Variants in JARID2 observed in about 807,000 individuals in gnomAD.
JARID2 encodes the protein protein Jumonji.
JARID2 carries 21 observed loss-of-function variants against 125.6 expected under a neutral mutation model. The ratio of observed to expected loss-of-function variants is 0.17; its 90% CI spans 0.12 to 0.24. The LOEUF (loss-of-function observed/expected upper bound fraction) is 0.24. JARID2 is among the 10% of genes least tolerant of loss of function. JARID2 has a pLI of 1.00. For missense variants in JARID2, 1,303 were observed against 1,639.6 expected, an observed-to-expected ratio of 0.79 and a Z score of 3.55; for synonymous variants, 736 against 661.6, an observed-to-expected ratio of 1.11 and a Z score of -1.73.
intron 1 of JARID2, among the ~76,000 whole-genome samples, chr6:15,301,480 C>T (rs895016625): frequency 3.3e-5 from 5 of 151,940 alleles, no homozygotes; most frequent in African/African-American, 4.8e-5. Flanking sequence ...CTAGAAGTGG[C>T]GTTTATTTAT....
chr6:15,301,399 A>C (rs1306148393), intron 1 of JARID2, among the ~76,000 whole-genome samples: 1 of 152,312 alleles, frequency 6.6e-6, no homozygotes, highest in East Asian at 1.9e-4. Flanking sequence ...TGTGATATTC[A>C]GAGGTTTACT....
chr6:15,491,435 G>A (rs1489660565), intron 6 of JARID2, among the ~76,000 whole-genome samples: 3 of 152,212 alleles, frequency 2.0e-5, no homozygotes, highest in African/African-American at 4.8e-5. Flanking sequence ...AGTGCATTTC[G>A]CTTCTGTTTA....
At chr6:15,518,137 T>C (rs562996176) in intron 17 of JARID2, among the ~76,000 whole-genome samples, 1 of 152,404 alleles carries the variant, frequency 6.6e-6, no homozygotes, top group African/African-American at 2.4e-5. Flanking sequence ...CTCCTTCACC[T>C]TAGCAGCAAA....
intron 5 of JARID2, among the ~76,000 whole-genome samples, chr6:15,469,869 G>A (rs899848276): frequency 1.3e-5 from 2 of 152,086 alleles, no homozygotes; most frequent in Non-Finnish European, 2.9e-5. Context: ...CACTGAGTGG[G>A]GGAATGAGAG....
At chr6:15,349,187 A>G (rs1265945439) in intron 1 of JARID2, among the ~76,000 whole-genome samples, 1 of 152,200 alleles carries the variant, frequency 6.6e-6, no homozygotes, top group Admixed American at 6.5e-5. Context: ...TGTGGTAGAT[A>G]GGTCCTGGTT....
At chr6:15,444,792 C>T (rs1767603731) in intron 3 of JARID2, among the ~76,000 whole-genome samples, 2 of 119,232 alleles carry the variant, frequency 1.7e-5, no homozygotes, top group African/African-American at 3.1e-5. Flanking sequence ...CCTTTCCTTG[C>T]CCTTTGTTTA....
intron 1 of JARID2, among the ~76,000 whole-genome samples, chr6:15,261,778 T>A (rs1759887755): frequency 6.7e-6 from 1 of 148,830 alleles, no homozygotes; most frequent in Non-Finnish European, 1.5e-5. Context: ...ATATACAAAT[T>A]CAGGGATTTT....
chr6:15,417,162 A>T (rs1321871991), intron 3 of JARID2, among the ~76,000 whole-genome samples: 2 of 152,016 alleles, frequency 1.3e-5, no homozygotes, highest in Admixed American at 6.6e-5. Context: ...GAGTAGGGGG[A>T]AGAGGGTAGA....
intron 1 of JARID2, among the ~76,000 whole-genome samples, chr6:15,345,375 C>CT (rs1763210676): frequency 6.6e-6 from 1 of 152,176 alleles, no homozygotes; most frequent in Non-Finnish European, 1.5e-5. Context: ...CTGTCAATTA[C>CT]GAGTTGCACC....
intron 11 of JARID2, among the ~76,000 whole-genome samples, chr6:15,507,809 G>A (rs1209147685): frequency 6.6e-6 from 1 of 152,210 alleles, no homozygotes; most frequent in Non-Finnish European, 1.5e-5. Flanking sequence ...AAAGCCAAGG[G>A]GTCATGGAGG....
chr6:15,301,613 C>A (rs895082874), intron 1 of JARID2, among the ~76,000 whole-genome samples: 2 of 152,166 alleles, frequency 1.3e-5, no homozygotes, highest in Non-Finnish European at 2.9e-5. Context: ...ACTCAATAGT[C>A]TGTAAGTCCT....
At chr6:15,457,345 C>A (rs1471520553) in intron 4 of JARID2, among the ~76,000 whole-genome samples, 1 of 152,310 alleles carries the variant, frequency 6.6e-6, no homozygotes, top group Non-Finnish European at 1.5e-5. Context: ...AACCTTCTTA[C>A]ACCTGCATCC....
intron 6 of JARID2, among the ~76,000 whole-genome samples, chr6:15,490,098 T>C (rs1485237688): frequency 1.3e-5 from 2 of 152,222 alleles, no homozygotes; most frequent in Non-Finnish European, 2.9e-5. Context: ...TCAGATCCTA[T>C]TAGTTAAGTA....
intron 1 of JARID2, among the ~76,000 whole-genome samples, chr6:15,275,544 C>CCCCCCG (rs1554118142): frequency 1.1e-5 from 1 of 94,606 alleles, no homozygotes; most frequent in Non-Finnish European, 2.3e-5. Context: ...CCCCCCCCCC[C>CCCCCCG]GTCTTTTGCC....
At chr6:15,297,788 TAGC>T (rs1290745720) in intron 1 of JARID2, among the ~76,000 whole-genome samples, 6 of 152,162 alleles carry the variant, frequency 3.9e-5, no homozygotes, top group South Asian at 2.1e-4. Context: ...CTGTCAGAGT[TAGC>T]AGGAGAGTGG....
chr6:15,360,994 G>A (rs2127495180), intron 1 of JARID2, among the ~76,000 whole-genome samples: 1 of 152,240 alleles, frequency 6.6e-6, no homozygotes, highest in South Asian at 2.1e-4. Context: ...TTTATATTCT[G>A]AGTTTCGATT....
intron 1 of JARID2, among the ~76,000 whole-genome samples, chr6:15,266,218 C>T (rs1163379815): frequency 5.3e-5 from 8 of 152,136 alleles, no homozygotes; most frequent in African/African-American, 1.9e-4. Flanking sequence ...ACTGATTAAG[C>T]AGAGTTTGGG....
At position 15,353,736 on chromosome 6, in the gene JARID2, CAA is replaced by C. The variant is rs879404994; in HGVS notation, c.46-20371_46-20370del. On this transcript the variant is annotated intron_variant, in intron 1 of 17. Transcript: ENST00000341776. ...CTTCTACCTCTTCAGGATTTCAATG[CAA>C]AAAAAAAAATTCTTTTCAATCAAAA... Among the ~76,000 whole-genome samples, 4 of 145,692 alleles carry C rather than the reference CAA, an allele frequency of 2.7e-5. No homozygotes were observed. In the East Asian group the frequency reaches 5.9e-4, roughly 22 times the overall value.
intron 16 of JARID2, 132 bp from the exon 17 acceptor site, chr6:15,517,029 G>A (rs890558489): frequency 4.6e-6 from 3 of 653,328 alleles, no homozygotes; most frequent in African/African-American, 3.6e-5. Flanking sequence ...TGGCCCGGGT[G>A]GTGGGTGCTG....
Sources: gnomAD v4.1 joint callset for allele counts (sites outside exome capture counted in the v4.1 genomes callset) on GRCh38, gnomAD v4.1.1 for gene constraint, MANE v1.5 for transcripts, NCBI Gene and HGNC (gene_info 2026-07-23, HGNC 2026-07-21) for gene names.